The following NOC3L variants were observed in gnomAD, a reference collection of about 807,000 sequenced individuals.
NOC3L encodes NOC3 like DNA replication regulator, also known as nucleolar complex protein 3 homolog.
Under a neutral mutation model 102.5 loss-of-function variants are expected in NOC3L, and 85 were observed. The observed-to-expected ratio is 0.83, with a 90% confidence interval of 0.70 to 0.99. The LOEUF is 0.99. Ranked by LOEUF, NOC3L falls within the 50% of genes least tolerant of loss-of-function variation. The probability of loss-of-function intolerance (pLI) is 0.00; values close to 1 mark genes in which losing one functional copy is unlikely to be tolerated. For missense variants in NOC3L, 878 were observed against 914.9 expected (o/e 0.96, Z 0.52); for synonymous variants, 303 against 309.4 (o/e 0.98, Z 0.22).
At chr10:94,326,598 C>A in the NOC3L span, among the ~76,000 whole-genome samples, 1 of 152,114 alleles carries the variant, frequency 6.6e-6, no homozygotes, top group Non-Finnish European at 1.5e-5. Flanking sequence ...TACAAGATTA[C>A]TTCTTAAGTA....
At chr10:94,318,561 G>A in the NOC3L span, among the ~76,000 whole-genome samples, 1 of 152,120 alleles carries the variant, frequency 6.6e-6, no homozygotes, top group East Asian at 1.9e-4. Flanking sequence ...ATGGCTTCCA[G>A]GTCAGTGTTC....
Position 94,360,578 on chromosome 10 carries a change from G to A in NOC3L, c.217+1087C>T, listed in dbSNP as rs532095959. 1.2e-4 allele frequency among the ~76,000 whole-genome samples: 18 copies of A among 152,212 alleles called. No individual in the cohort carries two copies. In the South Asian group the frequency reaches 1.2e-3, roughly 11 times the overall value. On this transcript the variant is annotated intron_variant, in intron 2 of 20. Transcript: ENST00000371361. The stretch of plus-strand genomic sequence containing the variant: ...CTGGCTGGGAAAGGCAGTTGGAGGA[G>A]ATAGGAGTAGGGATGGTTAATGGGT...
chr10:94,348,956 G>A (rs889738468), intron 10 of NOC3L, among the ~76,000 whole-genome samples: 5 of 151,892 alleles, frequency 3.3e-5, no homozygotes, highest in Admixed American at 3.3e-4. Context: ...CTATATGTAA[G>A]TTCACAATAT....
chr10:94,340,411 CTTGA>C lies in NOC3L; in HGVS notation c.1708+18_1708+21del, dbSNP rs756326561. 2.4e-5 allele frequency: 38 copies of C among 1,568,734 alleles called. No individual in the cohort carries two copies. In the African/African-American group the frequency reaches 3.2e-4, roughly 13 times the overall value. The stretch of plus-strand genomic sequence containing the variant: ...GCATTCAAAGGTAAGGCAAACAAAA[CTTGA>C]TTAAGAAAATATCATACCTTGTCCA... On this transcript the variant is annotated intron_variant, in intron 15 of 20. Coordinates refer to ENST00000371361, the MANE Select transcript of NOC3L (RefSeq NM_022451.11).
At chr10:94,334,888 G>A (rs1355580663) in intron 19 of NOC3L, among the ~76,000 whole-genome samples, 170 bp from the exon 20 acceptor site, 1 of 152,146 alleles carries the variant, frequency 6.6e-6, no homozygotes, top group Non-Finnish European at 1.5e-5. Context: ...CCATTGTAAT[G>A]TCAACATTAT....
At chr10:94,317,024 G>A in the NOC3L span, among the ~76,000 whole-genome samples, 1 of 152,310 alleles carries the variant, frequency 6.6e-6, no homozygotes, top group South Asian at 2.1e-4. Context: ...GCCGAGGTGG[G>A]TGGATCACTT....
chr10:94,346,982 C>T (rs1370957013), intron 10 of NOC3L, among the ~76,000 whole-genome samples: 1 of 152,138 alleles, frequency 6.6e-6, no homozygotes, highest in East Asian at 1.9e-4. Flanking sequence ...TTCTAATTCC[C>T]AGCTGATGCT....
At chr10:94,327,068 A>G in the NOC3L span, among the ~76,000 whole-genome samples, 2 of 152,188 alleles carry the variant, frequency 1.3e-5, no homozygotes, top group Non-Finnish European at 2.9e-5. Flanking sequence ...AGGCTGAGGC[A>G]GGAGAATCGC....
intron 4 of NOC3L, 62 bp downstream of exon 4, chr10:94,357,112 A>G: frequency 7.9e-7 from 1 of 1,258,578 alleles, no homozygotes; most frequent in Admixed American, 2.8e-5. Flanking sequence ...TGAGTGAAAA[A>G]AAAACATGAT....
intron 13 of NOC3L, among the ~76,000 whole-genome samples, chr10:94,342,883 G>T (rs755768782): frequency 2.6e-5 from 4 of 152,016 alleles, no homozygotes; most frequent in Non-Finnish European, 5.9e-5. Context: ...TCAGGAGTTC[G>T]AGACCAGCCT....
At chr10:94,357,121 A>G (rs919820353) in intron 4 of NOC3L, 53 bp downstream of exon 4, 19 of 1,283,576 alleles carry the variant, frequency 1.5e-5, no homozygotes, top group Admixed American at 2.7e-5. Context: ...AAAAAACATG[A>G]TATCAGTAAG....
At chr10:94,337,550 G>GT (rs3832684) in intron 19 of NOC3L, among the ~76,000 whole-genome samples, 35,495 of 150,162 alleles carry the variant, frequency 0.24, 4,224 homozygotes, top group Middle Eastern at 0.41. Flanking sequence ...TTAAAAAAAT[G>GT]TTTTTCAAGT....
At chr10:94,330,381 T>C (rs529830720), downstream of NOC3L, 1 of 152,316 alleles carries the variant, frequency 6.6e-6, no homozygotes, top group East Asian at 1.9e-4. Flanking sequence ...ACACATTGTT[T>C]CAAAATGTAA....
At chr10:94,355,756 T>C (rs2054476523) in intron 5 of NOC3L, among the ~76,000 whole-genome samples, 1 of 152,150 alleles carries the variant, frequency 6.6e-6, no homozygotes, top group Non-Finnish European at 1.5e-5. Flanking sequence ...ACAAATAGGA[T>C]AATCCTATTT....
intron 19 of NOC3L, 90 bp downstream of exon 19, chr10:94,337,687 T>TC: frequency 2.5e-6 from 2 of 791,970 alleles, no homozygotes; most frequent in Non-Finnish European, 4.1e-6. Context: ...TTACATTTTG[T>TC]AGTATGTTAC....
the NOC3L span, among the ~76,000 whole-genome samples, chr10:94,327,170 G>A: frequency 6.6e-6 from 1 of 152,158 alleles, no homozygotes; most frequent in African/African-American, 2.4e-5. Context: ...CAAAACAAAA[G>A]CTAGGGAGGC....
the NOC3L span, among the ~76,000 whole-genome samples, chr10:94,327,213 T>C: frequency 6.6e-6 from 1 of 152,188 alleles, no homozygotes; most frequent in Non-Finnish European, 1.5e-5. Flanking sequence ...TCTATGTGAA[T>C]TGACATCCCA....
At chr10:94,329,806 A>C (rs1311814276), downstream of NOC3L, 3 of 149,284 alleles carry the variant, frequency 2.0e-5, no homozygotes, top group Non-Finnish European at 4.4e-5. Context: ...AAAAAAAAAA[A>C]AAAAACACCA....
intron 1 of NOC3L, 105 bp downstream of exon 1, chr10:94,362,725 C>A: frequency 1.6e-6 from 2 of 1,252,082 alleles, no homozygotes; most frequent in African/African-American, 1.5e-5. Flanking sequence ...TAAACCACCG[C>A]CCCCTAGACA....
Sources: gnomAD v4.1 joint callset for allele counts (sites outside exome capture counted in the v4.1 genomes callset) on GRCh38, gnomAD v4.1.1 for gene constraint, MANE v1.5 for transcripts, NCBI Gene and HGNC (gene_info 2026-07-23, HGNC 2026-07-21) for gene names.